Variants in SEL1L observed in about 807,000 individuals in gnomAD.
The protein encoded by SEL1L is protein sel-1 homolog 1.
Under a neutral mutation model 109.8 loss-of-function variants are expected in SEL1L, and 52 were observed. The ratio of observed to expected loss-of-function variants is 0.47; its 90% CI spans 0.38 to 0.60. SEL1L has a LOEUF of 0.60. Ranked by LOEUF, SEL1L falls within the 20% of genes least tolerant of loss-of-function variation. The pLI is 0.00. For synonymous variants in SEL1L, 373 were observed against 339.6 expected, an observed-to-expected ratio of 1.10 and a Z score of -1.08; for missense variants, 749 against 962.2, an observed-to-expected ratio of 0.78 and a Z score of 2.93.
At chr14:81,507,136 T>A (rs899578143) in intron 3 of SEL1L, among the ~76,000 whole-genome samples, 1 of 152,168 alleles carries the variant, frequency 6.6e-6, no homozygotes, top group Non-Finnish European at 1.5e-5. Flanking sequence ...TAAAGCAGCA[T>A]GAGGAAGACA....
In SEL1L at chr14:81,490,476, G is replaced by C; in HGVS notation, c.1255-11C>G. 6.2e-7 allele frequency: 1 copy of C among 1,605,516 alleles called. No homozygotes were observed. Among genetic ancestry groups the C allele is most frequent in the Non-Finnish European group, 8.5e-7 (1 of 1,172,362 alleles). On this transcript the variant is annotated splice_polypyrimidine_tract_variant and intron_variant, in intron 12 of 20. Transcript: ENST00000336735. Reference sequence around the variant, plus strand: ...TCCTTCCGAATACATCTGGAAAACAGATCCCAATTTCAGTAAGAGCTGTAA... The same window carrying C: ...TCCTTCCGAATACATCTGGAAAACACATCCCAATTTCAGTAAGAGCTGTAA...
chr14:81,531,411 T>C lies in SEL1L; in HGVS notation c.70+2264A>G, dbSNP rs949538831. Among the ~76,000 whole-genome samples the C allele has an allele frequency of 2.6e-5, 4 of 152,214 alleles. No individual in the cohort carries two copies. In the East Asian group the frequency reaches 7.7e-4, roughly 29 times the overall value. ...GCGACCTGCCCTGGGTAACCACTAATGTTCAAACACAAAATTATAACCAAA... is the reference window on the plus strand; with the variant it reads ...GCGACCTGCCCTGGGTAACCACTAACGTTCAAACACAAAATTATAACCAAA... On this transcript the variant is annotated intron_variant, in intron 1 of 20. Coordinates refer to ENST00000336735, the MANE Select transcript of SEL1L (RefSeq NM_005065.6).
intron 1 of SEL1L, among the ~76,000 whole-genome samples, chr14:81,528,768 A>G (rs1885212996): frequency 6.6e-6 from 1 of 152,210 alleles, no homozygotes; most frequent in South Asian, 2.1e-4. Flanking sequence ...TTACTAGAAA[A>G]TTTGCTACTA....
In SEL1L at chr14:81,533,736, G is replaced by A; in HGVS notation, c.9C>T (p.Val3=). 11 of 1,613,496 alleles carry A rather than the reference G, an allele frequency of 6.8e-6. No homozygotes were observed. Among genetic ancestry groups the A allele is most frequent in the Non-Finnish European group, 7.6e-6 (9 of 1,179,796 alleles). The change falls in exon 1 of 21, where the codon GTC becomes GTT. Residue 3 remains valine, a synonymous_variant. Transcript: ENST00000336735. MR[V]RIGLTLLLCA... ...ACAGCAGCAGCGTCAGCCCTATCCG[G>A]ACCCGCATCCTCCTCTCGGGGCCGG...
chr14:81,510,514 C>CTCTCTCTCTCTCTCTATATATA (rs35474067), intron 3 of SEL1L, among the ~76,000 whole-genome samples: 7 of 104,054 alleles, frequency 6.7e-5, no homozygotes, highest in African/African-American at 2.1e-4. Context: ...CTCTCTCTCT[C>CTCTCTCTCTCTCTCTATATATA]TATATATATA....
chr14:81,485,512 G>A (rs903596130), intron 18 of SEL1L, among the ~76,000 whole-genome samples, 160 bp downstream of exon 18: 11 of 150,904 alleles, frequency 7.3e-5, no homozygotes, highest in Non-Finnish European at 7.4e-5. Flanking sequence ...TTTCGGTTTC[G>A]AACTCCTGAC....
chr14:81,496,908 C>T (rs1050198899), intron 10 of SEL1L, among the ~76,000 whole-genome samples: 2 of 152,114 alleles, frequency 1.3e-5, no homozygotes, highest in Non-Finnish European at 2.9e-5. Flanking sequence ...AAGTGCTCAT[C>T]GTACCAGACT....
At chr14:81,490,770 G>A (rs980575657) in intron 12 of SEL1L, among the ~76,000 whole-genome samples, 2 of 152,100 alleles carry the variant, frequency 1.3e-5, no homozygotes, top group Non-Finnish European at 2.9e-5. Flanking sequence ...GCGTGGTGGC[G>A]TGTGCCTGTA....
At chr14:81,490,319 A>G in intron 13 of SEL1L, 69 bp downstream of exon 13, 5 of 1,178,396 alleles carry the variant, frequency 4.2e-6, no homozygotes, top group Non-Finnish European at 6.2e-6. Flanking sequence ...ACCCTTTAAT[A>G]TAACAAATTC....
At chr14:81,528,226 CTA>C (rs965070222) in intron 1 of SEL1L, among the ~76,000 whole-genome samples, 1 of 152,138 alleles carries the variant, frequency 6.6e-6, no homozygotes, top group African/African-American at 2.4e-5. Context: ...AGGATGGAAA[CTA>C]AGAATTATTA....
chr14:81,496,361 C>A (rs774633632), intron 10 of SEL1L, among the ~76,000 whole-genome samples: 3 of 152,022 alleles, frequency 2.0e-5, no homozygotes, highest in Non-Finnish European at 4.4e-5. Context: ...CTGAATTTGT[C>A]CCCAGTGAAC....
chr14:81,497,804 C>T, intron 10 of SEL1L, 88 bp downstream of exon 10: 1 of 1,212,502 alleles, frequency 8.2e-7, no homozygotes, highest in Non-Finnish European at 1.1e-6. Context: ...GAAAATGTAA[C>T]TTACAGATAT....
chr14:81,490,505 T>C, intron 12 of SEL1L, 40 bp from the exon 13 acceptor site: 2 of 1,429,370 alleles, frequency 1.4e-6, no homozygotes, highest in Non-Finnish European at 2.0e-6. Context: ...GCTGTAACCC[T>C]CTCTCCAATT....
chr14:81,515,144 A>G (rs992434097), intron 3 of SEL1L, among the ~76,000 whole-genome samples: 1 of 152,164 alleles, frequency 6.6e-6, no homozygotes, highest in South Asian at 2.1e-4. Context: ...GAAATCTCCA[A>G]AGGACCACAA....
At chr14:81,493,482 C>T (rs956050181) in intron 11 of SEL1L, among the ~76,000 whole-genome samples, 4 of 151,912 alleles carry the variant, frequency 2.6e-5, no homozygotes, top group Middle Eastern at 3.4e-3. Context: ...TGCACTCCAG[C>T]TTGGGTAACA....
At chr14:81,500,214 A>G (rs547063308) in intron 6 of SEL1L, among the ~76,000 whole-genome samples, 136 of 151,660 alleles carry the variant, frequency 9.0e-4, no homozygotes, top group African/African-American at 3.1e-3. Context: ...CCCGGCCACA[A>G]TTAAATGTAA....
intron 10 of SEL1L, among the ~76,000 whole-genome samples, chr14:81,497,308 A>G (rs571390939): frequency 3.9e-5 from 6 of 152,344 alleles, no homozygotes; most frequent in African/African-American, 1.2e-4. Context: ...ACTTAGTGGA[A>G]AAAAATATAA....
chr14:81,527,878 T>C lies in SEL1L; in HGVS notation c.71-140A>G, dbSNP rs184308171. On this transcript the variant is annotated intron_variant, in intron 1 of 20. Coordinates refer to ENST00000336735, the MANE Select transcript of SEL1L (RefSeq NM_005065.6). ...CATAGAATTATTTTAAAGTTAGCTA[T>C]ATTCAGCAATTGTTCAGAAAAGATC... is the stretch of plus-strand genomic sequence containing the variant. 7.0e-3 allele frequency: 3,905 copies of C among 561,028 alleles called. 37 individuals carry two copies. Among genetic ancestry groups the C allele is most frequent in the Non-Finnish European group, 6.7e-3 (2,244 of 332,804 alleles). The allele number at this position is 561,028 out of a possible 1,614,324, so 34.8% of individuals were successfully genotyped here.
intron 3 of SEL1L, among the ~76,000 whole-genome samples, chr14:81,509,876 T>C (rs953178414): frequency 1.3e-5 from 2 of 152,224 alleles, no homozygotes; most frequent in Non-Finnish European, 2.9e-5. Context: ...AAGAGAATAC[T>C]TGTACAGTAT....
Sources: allele counts gnomAD v4.1 joint callset (sites outside exome capture counted in the v4.1 genomes callset), GRCh38; gene constraint gnomAD v4.1.1; transcripts MANE v1.5; gene names NCBI Gene and HGNC (gene_info 2026-07-23, HGNC 2026-07-21).